TROAP: variants seen among roughly 807,000 people sequenced by gnomAD.
The protein encoded by TROAP is tastin.
A neutral mutation model predicts 83.4 loss-of-function variants in TROAP; 62 were observed. The ratio of observed to expected loss-of-function variants is 0.74; its 90% CI spans 0.61 to 0.92. TROAP has a LOEUF of 0.92. TROAP is among the 40% of genes least tolerant of loss of function. The pLI, the probability that TROAP is intolerant of heterozygous loss-of-function variation, is 0.00. For synonymous variants in TROAP, 352 were observed against 386.4 expected (o/e 0.91, Z 1.04); for missense variants, 876 against 985.1 (o/e 0.89, Z 1.48).
rs781336515 is a variant in TROAP, at chr12:49,330,497, C to G, written c.1652C>G (p.Ala551Gly). 8 of 1,613,658 alleles carry G rather than the reference C, an allele frequency of 5.0e-6. No individual in the cohort carries two copies. In the South Asian group the frequency reaches 7.7e-5, roughly 16 times the overall value. The change falls in exon 13 of 15, where the codon GCA (alanine) becomes GGA (glycine). Residue 551 changes from alanine (A) to glycine (G), a missense_variant. Around this residue, in one of 3 missense-constraint regions of TROAP, gnomAD observed 689 missense variants for 722.6 expected, o/e 0.95. Coordinates refer to ENST00000257909, the MANE Select transcript of TROAP (RefSeq NM_005480.4). ...QLEVPEPYPP[A>G]EPRPLESCCR... is the part of the protein sequence containing the mutation. ...GAAGTACCAGAGCCCTACCCTCCAG[C>G]AGAACCCAGGCCCCTAGAGTCCTGC... is the stretch of plus-strand genomic sequence containing the variant.
Position 49,329,783 on chromosome 12 carries a change from T to C in TROAP, c.1165-74T>C. ...GTTAGGGGCTTCAATCCATTCCTCA[T>C]GAGGGTGGGACTCAGGCTGGTCTTT... is the stretch of plus-strand genomic sequence containing the variant. On this transcript the variant is annotated intron_variant, in intron 11 of 14. Coordinates refer to ENST00000257909, the MANE Select transcript of TROAP (RefSeq NM_005480.4). This position sits in a 1 kb window ranked among gnomAD's most constrained non-coding sequence, Gnocchi z 4.5. 1 of 1,569,720 alleles carries C rather than the reference T, an allele frequency of 6.4e-7. No homozygotes were observed. Among genetic ancestry groups the C allele is most frequent in the Non-Finnish European group, 8.6e-7 (1 of 1,157,180 alleles).
Position 49,327,338 on chromosome 12 carries a change from G to A in TROAP, c.891+8G>A. 1 of 1,613,572 alleles carries A rather than the reference G, an allele frequency of 6.2e-7. No homozygotes were observed. Among genetic ancestry groups the A allele is most frequent in the Non-Finnish European group, 8.5e-7 (1 of 1,179,676 alleles). On this transcript the variant is annotated splice_region_variant and intron_variant, in intron 8 of 14. Coordinates refer to ENST00000257909, the MANE Select transcript of TROAP (RefSeq NM_005480.4). ...GAAATGTCACATACCAGGGTGAGAT[G>A]CGACTCTCCTGGGATGGTGGGTGGG...
intron 3 of TROAP, chr12:49,324,666 C>T (rs549395788): frequency 1.3e-5 from 2 of 153,418 alleles, no homozygotes; most frequent in African/African-American, 4.8e-5. Context: ...CATTTGAGCT[C>T]AGGAGTTTGA....
In TROAP at chr12:49,330,419, C is replaced by G; in HGVS notation, c.1574C>G (p.Ala525Gly). The G allele has an allele frequency of 1.2e-6, 2 of 1,614,188 alleles. No individual in the cohort carries two copies. Among genetic ancestry groups the G allele is most frequent in the Admixed American group, 1.7e-5 (1 of 60,030 alleles). ...CPPAEPGPPE[A>G]FCRSEPEIPE... ...CCGGCAGAGCCTGGGCCCCCAGAGG[C>G]CTTCTGTAGGAGTGAGCCTGAGATA... The change falls in exon 13 of 15, where the codon GCC (alanine) becomes GGC (glycine). Residue 525 changes from alanine (A) to glycine (G), a missense_variant. Coordinates refer to ENST00000257909, the MANE Select transcript of TROAP (RefSeq NM_005480.4).
rs1565672196 is a variant in TROAP at position 49,330,458 on chromosome 12, T to A, written c.1613T>A (p.Leu538His). ...RSEPEIPEPS[L>H]QEQLEVPEPY... is the part of the protein sequence containing the mutation. The stretch of plus-strand genomic sequence containing the variant: ...GAGCCTGAGATACCAGAGCCCTCCC[T>A]CCAGGAACAGCTTGAAGTACCAGAG... Residue 538 changes from leucine (L) to histidine (H), a missense_variant, in exon 13 of 15, where the codon CTC becomes CAC. This residue lies in a region of TROAP where 689 missense variants were observed against 722.6 expected (regional missense o/e 0.95). Coordinates refer to ENST00000257909, the MANE Select transcript of TROAP (RefSeq NM_005480.4). 6.2e-7 allele frequency: 1 copy of A among 1,613,150 alleles called. No homozygotes were observed. The highest frequency in any genetic ancestry group is 1.1e-5 in the South Asian group (1 of 91,020).
chr12:49,328,169 T>A (rs1645710903), intron 8 of TROAP, among the ~76,000 whole-genome samples: 1 of 149,054 alleles, frequency 6.7e-6, no homozygotes, highest in African/African-American at 2.5e-5. Flanking sequence ...TGGAAAGCCA[T>A]GGGGAGAGGG....
chr12:49,325,615 T>C lies in TROAP; in HGVS notation c.452T>C (p.Val151Ala), dbSNP rs1245154961. 18 of 1,613,342 alleles carry C rather than the reference T, an allele frequency of 1.1e-5. No homozygotes were observed. The highest frequency in any genetic ancestry group is 1.4e-5 in the Non-Finnish European group (17 of 1,179,916). ...CGCCAGCCTAGTCTGGCTAAAAGAGTACTGGTTCGAGGAAGTCAGGGAGGC... is the reference window on the plus strand; with the variant it reads ...CGCCAGCCTAGTCTGGCTAAAAGAGCACTGGTTCGAGGAAGTCAGGGAGGC... The part of the protein sequence containing the change: ...LGRQPSLAKR[V>A]LVRGSQGGTT... The change falls in exon 4 of 15, where the codon GTA becomes GCA. Residue 151 changes from valine to alanine, a missense_variant. Physicochemically the swap from Val to Ala is moderately conservative, Grantham distance 64. Coordinates refer to ENST00000257909, the MANE Select transcript of TROAP (RefSeq NM_005480.4).
chr12:49,324,262 CT>C, intron 3 of TROAP: 1 of 1,564,616 alleles, frequency 6.4e-7, no homozygotes, highest in Non-Finnish European at 8.8e-7. Context: ...ATCACAGCTA[CT>C]CAGGAGGCTG....
intron 8 of TROAP, among the ~76,000 whole-genome samples, chr12:49,328,244 G>A (rs567945091): frequency 4.1e-5 from 4 of 97,076 alleles, no homozygotes; most frequent in South Asian, 3.8e-4. Context: ...TTTTTTTTGA[G>A]ATGGAGTTTC....
chr12:49,331,115 T>A, intron 13 of TROAP, 99 bp from the exon 14 acceptor site: 3 of 1,562,348 alleles, frequency 1.9e-6, no homozygotes, highest in Non-Finnish European at 2.6e-6. Context: ...AGCCCTGTGC[T>A]CCTAATTGGC....
At position 49,330,168 on chromosome 12, in the gene TROAP, G is replaced by A. The variant is rs1943556731; in HGVS notation, c.1323G>A (p.Leu441=). Residue 441 remains leucine, a synonymous_variant, in exon 13 of 15, where the codon CTG becomes CTA. Coordinates refer to ENST00000257909, the MANE Select transcript of TROAP (RefSeq NM_005480.4). ...AGCGCATCGGTATCCTGCAACAGCT[G>A]TTGAGACAGGAAGTAGAGGGGCTGG... ...KIQRIGILQQ[L]LRQEVEGLVG... 4 of 1,613,974 alleles carry A rather than the reference G, an allele frequency of 2.5e-6. No homozygotes were observed. Among genetic ancestry groups the A allele is most frequent in the Non-Finnish European group, 3.4e-6 (4 of 1,179,904 alleles).
At position 49,331,669 on chromosome 12, in the gene TROAP, T is replaced by A; in HGVS notation, c.*52T>A. On this transcript the variant is annotated 3_prime_UTR_variant, in exon 15 of 15. Coordinates refer to ENST00000257909, the MANE Select transcript of TROAP (RefSeq NM_005480.4). ...ACTTCTTCCTTTTAGCCCTTATTTA[T>A]TGTCGGTCTGCCCATGGGACTGGGA... 1 of 1,612,070 alleles carries A rather than the reference T, an allele frequency of 6.2e-7. No individual in the cohort carries two copies. The highest frequency in any genetic ancestry group is 8.5e-7 in the Non-Finnish European group (1 of 1,178,782).
At position 49,329,959 on chromosome 12, in the gene TROAP, A is replaced by T; in HGVS notation, c.1267A>T (p.Arg423Ter). The T allele has an allele frequency of 6.2e-7, 1 of 1,614,192 alleles. No homozygotes were observed. Among genetic ancestry groups the T allele is most frequent in the Non-Finnish European group, 8.5e-7 (1 of 1,180,018 alleles). The stretch of plus-strand genomic sequence containing the variant: ...CACTCCTTCTGGACCCCACTCTAAC[A>T]GAACCCCCAGCCTCCAGGAGGTGAA... ...VATPSGPHSNRTPSLQEVKIQ... is the reference protein window; with the variant it reads ...VATPSGPHSN The change falls in exon 12 of 15, where the codon AGA (arginine) becomes TGA (stop). Residue 423 changes from arginine (R) to a stop codon, truncating the protein, a stop_gained. Coordinates refer to ENST00000257909, the MANE Select transcript of TROAP (RefSeq NM_005480.4). LOFTEE classifies it high-confidence loss of function. This position sits in a 1 kb window ranked among gnomAD's most constrained non-coding sequence, Gnocchi z 4.5.
Position 49,330,956 on chromosome 12 carries a change from C to T in TROAP, c.2098+13C>T. ...GCAGGCCAGGCAGGTAAGGAGTTGG[C>T]TGGGAAGGAGTGTGAACACAAGAGG... On this transcript the variant is annotated intron_variant, in intron 13 of 14. Coordinates refer to ENST00000257909, the MANE Select transcript of TROAP (RefSeq NM_005480.4). 1 of 1,608,790 alleles carries T rather than the reference C, an allele frequency of 6.2e-7. No individual in the cohort carries two copies. Among genetic ancestry groups the T allele is most frequent in the Non-Finnish European group, 8.5e-7 (1 of 1,179,964 alleles).
intron 5 of TROAP, 33 bp downstream of exon 5, chr12:49,325,917 T>C (rs902185803): frequency 6.2e-7 from 1 of 1,606,706 alleles, no homozygotes; most frequent in Non-Finnish European, 8.5e-7. Context: ...TAGTCGGTGC[T>C]TCTGGGAGCT....
chr12:49,326,102 C>T lies in TROAP; in HGVS notation c.660C>T (p.His220=). ...TTTCACCTTCAGGACCTTCCTTTCA[C>T]CCTTCCACTCGCCCCAGTTTCCAGG... ...ALISPSGPSF[H]PSTRPSFQEL... Residue 220 remains histidine (H), a synonymous_variant, in exon 6 of 15, where the codon CAC becomes CAT. Transcript: ENST00000257909. 1 of 1,613,954 alleles carries T rather than the reference C, an allele frequency of 6.2e-7. No homozygotes were observed. Among genetic ancestry groups the T allele is most frequent in the Non-Finnish European group, 8.5e-7 (1 of 1,180,036 alleles).
rs189529244 is a variant in TROAP at position 49,326,989 on chromosome 12, C to G, written c.770-220C>G. On this transcript the variant is annotated intron_variant, in intron 7 of 14. Coordinates refer to ENST00000257909, the MANE Select transcript of TROAP (RefSeq NM_005480.4). ...TCCACTCACTGTTTATCCCCAGCCC[C>G]TAAGTGCCATCACCACATCCCCAGC... Among the ~76,000 whole-genome samples the G allele has an allele frequency of 1.6e-3, 251 of 152,336 alleles. 2 individuals are homozygous for G. The highest frequency in any genetic ancestry group is 5.8e-3 in the African/African-American group (242 of 41,578).
Position 49,329,448 on chromosome 12 carries a change from G to A in TROAP, c.1158G>A (p.Leu386=), listed in dbSNP as rs954350838. 10 of 1,609,948 alleles carry A rather than the reference G, an allele frequency of 6.2e-6. No individual in the cohort carries two copies. Among genetic ancestry groups the A allele is most frequent in the African/African-American group, 4.0e-5 (3 of 74,970 alleles). ...SPQSCSEDPA[L]PWEQVAVRLF... is the part of the protein sequence containing the mutation. ...AGTCCTGCTCTGAAGATCCTGCCCT[G>A]CCCTGGGTAAGTATCAGAAGCTTCC... Residue 386 remains leucine, a synonymous_variant, in exon 11 of 15, where the codon CTG becomes CTA. Transcript: ENST00000257909. The surrounding 1 kb of genome is among the most constrained non-coding windows in gnomAD (Gnocchi z 4.5).
In TROAP at chr12:49,331,173, T is replaced by A. The variant is rs755500187; in HGVS notation, c.2099-41T>A. On this transcript the variant is annotated intron_variant, in intron 13 of 14. Transcript: ENST00000257909. ...GAGAGGACAGTACATGGTGGAAGTA[T>A]AGGACCCCAGACCTCCCTCTAAATT... 93 of 1,612,314 alleles carry A rather than the reference T, an allele frequency of 5.8e-5. No homozygotes were observed. The East Asian group carries it at 2.1e-3, about 36-fold the overall frequency.
Sources: gnomAD v4.1 joint callset for allele counts (sites outside exome capture counted in the v4.1 genomes callset) on GRCh38, gnomAD v4.1.1 for gene constraint, gnomAD v4.1.1 regional missense constraint, Gnocchi (gnomAD v3.1) non-coding constraint, MANE v1.5 for transcripts, NCBI Gene and HGNC (gene_info 2026-07-23, HGNC 2026-07-21) for gene names.